Variants in PDZD2 observed in about 807,000 individuals in gnomAD.
PDZD2 encodes the protein PDZ domain containing 2, also known as PDZ domain-containing protein 2.
A neutral mutation model predicts 220.7 loss-of-function variants in PDZD2; 90 were observed. The ratio of observed to expected loss-of-function variants is 0.41; its 90% CI spans 0.34 to 0.49. The LOEUF (loss-of-function observed/expected upper bound fraction) is 0.49, where lower values mean the gene tolerates loss of function less well. Among genes scored for constraint, PDZD2 ranks in the 20% least tolerant of loss-of-function variants. The pLI is 0.28. For missense variants in PDZD2, 3,174 were observed against 3,608.5 expected (o/e 0.88, Z 3.08); for synonymous variants, 1,375 against 1,450.5 (o/e 0.95, Z 1.18).
intron 2 of PDZD2, among the ~76,000 whole-genome samples, chr5:31,821,992 G>C (rs1408307464): frequency 6.6e-6 from 1 of 152,108 alleles, no homozygotes; most frequent in Non-Finnish European, 1.5e-5. Flanking sequence ...ATGGTTTCTA[G>C]TTTCATCCAT....
At chr5:31,935,748 TTTAG>T (rs1745664806) in intron 2 of PDZD2, among the ~76,000 whole-genome samples, 1 of 152,210 alleles carries the variant, frequency 6.6e-6, no homozygotes, top group South Asian at 2.1e-4. Context: ...GCTTCACATT[TTTAG>T]TTATGTGAAG....
At chr5:31,693,935 G>A (rs190588549) in intron 1 of PDZD2, among the ~76,000 whole-genome samples, 233 of 152,292 alleles carry the variant, frequency 1.5e-3, no homozygotes, top group African/African-American at 5.5e-3. Context: ...CCCAGGCTGA[G>A]GAGGAGCAAA....
intron 1 of PDZD2, among the ~76,000 whole-genome samples, chr5:31,751,995 C>G (rs1002439637): frequency 2.7e-5 from 4 of 150,624 alleles, no homozygotes; most frequent in African/African-American, 9.8e-5. Flanking sequence ...TTTGTACATA[C>G]TCTCCTCATT....
Position 32,057,911 on chromosome 5 carries a change from C to T in PDZD2, c.2008C>T (p.Arg670Cys), listed in dbSNP as rs557543031. ...GAGTGGATTATTTGTTTTAACGGTA[C>T]GCACAAAGTTGGTGAGCCCCAGCCT... Reference protein sequence around the residue: ...IRSGLFVLTVRTKLVSPSLTP... With the variant: ...IRSGLFVLTVCTKLVSPSLTP... Residue 670 changes from arginine to cysteine, a missense_variant, in exon 12 of 25, where the codon CGC becomes TGC. Around this residue, in one of 4 missense-constraint regions of PDZD2, gnomAD observed 1,861 missense variants for 2,001.0 expected, o/e 0.93. Transcript: ENST00000438447. 32 of 1,611,038 alleles carry T rather than the reference C, an allele frequency of 2.0e-5. No homozygotes were observed. The highest frequency in any genetic ancestry group is 6.7e-5 in the East Asian group (3 of 44,610).
chr5:31,969,653 T>C (rs1749115127), intron 2 of PDZD2, among the ~76,000 whole-genome samples: 1 of 151,940 alleles, frequency 6.6e-6, no homozygotes, highest in African/African-American at 2.4e-5. Context: ...GGGATCTTAT[T>C]AGAGTGATGA....
chr5:31,997,114 CA>C lies in PDZD2; in HGVS notation c.1121+1397del, dbSNP rs138249800. On this transcript the variant is annotated intron_variant, in intron 4 of 24. Transcript: ENST00000438447. ...CGTGTACGTATGTTGTATGCCCACACATATACAGTAGGCATATAAAAGGAGA... is the reference window on the plus strand; with the variant it reads ...CGTGTACGTATGTTGTATGCCCACACTATACAGTAGGCATATAAAAGGAGA... Among the ~76,000 whole-genome samples the C allele has an allele frequency of 4.7e-3, 722 of 152,280 alleles. 6 individuals carry two copies. The highest frequency in any genetic ancestry group is 0.017 in the African/African-American group (689 of 41,566).
intron 1 of PDZD2, among the ~76,000 whole-genome samples, chr5:31,657,788 C>T (rs964479166): frequency 2.0e-5 from 3 of 151,596 alleles, no homozygotes; most frequent in African/African-American, 7.3e-5. Context: ...AGAGTGTTGA[C>T]CTCGGCGCTA....
chr5:32,081,637 G>A (rs1319657750), intron 19 of PDZD2, among the ~76,000 whole-genome samples: 13 of 152,190 alleles, frequency 8.5e-5, no homozygotes, highest in Non-Finnish European at 2.9e-5. Context: ...GTACTTGAGT[G>A]CTCGTAGCAG....
intron 21 of PDZD2, 99 bp downstream of exon 21, chr5:32,093,123 G>A: frequency 1.5e-6 from 1 of 683,538 alleles, no homozygotes; most frequent in Non-Finnish European, 2.6e-6. Flanking sequence ...CCCGCCCCGA[G>A]TCCTGGAGAG....
At chr5:32,014,915 G>C (rs550569937) in intron 6 of PDZD2, among the ~76,000 whole-genome samples, 1 of 142,366 alleles carries the variant, frequency 7.0e-6, no homozygotes, top group Admixed American at 7.3e-5. Flanking sequence ...CCACCATGTT[G>C]GCCAGGATAG....
chr5:32,002,371 C>T (rs1348146524), intron 5 of PDZD2, among the ~76,000 whole-genome samples: 1 of 152,052 alleles, frequency 6.6e-6, no homozygotes, highest in Non-Finnish European at 1.5e-5. Context: ...ATCGCGCTCC[C>T]TGCATGTCTT....
intron 2 of PDZD2, among the ~76,000 whole-genome samples, chr5:31,846,499 T>G (rs2150290539): frequency 6.6e-6 from 1 of 152,332 alleles, no homozygotes; most frequent in South Asian, 2.1e-4. Flanking sequence ...CATGGGCATC[T>G]GTTCAGACGT....
chr5:31,880,893 C>T (rs951967757), intron 2 of PDZD2, among the ~76,000 whole-genome samples: 1 of 148,534 alleles, frequency 6.7e-6, no homozygotes, highest in African/African-American at 2.5e-5. Context: ...CCTCCGCCTC[C>T]CAGGTTCAAG....
At chr5:32,072,379 A>G in intron 17 of PDZD2, 62 bp downstream of exon 17, 1 of 1,305,048 alleles carries the variant, frequency 7.7e-7, no homozygotes, top group East Asian at 2.3e-5. Context: ...ACTGGTTTCC[A>G]CCTCTGTGCT....
At chr5:31,694,571 A>T (rs1247395901) in intron 1 of PDZD2, among the ~76,000 whole-genome samples, 1 of 152,024 alleles carries the variant, frequency 6.6e-6, no homozygotes, top group Admixed American at 6.6e-5. Context: ...TGTGTAGGAG[A>T]TGCTTCACGA....
At chr5:32,079,279 A>C (rs34422423) in intron 19 of PDZD2, among the ~76,000 whole-genome samples, 3,584 of 144,544 alleles carry the variant, frequency 0.025, 63 homozygotes, top group Non-Finnish European at 0.039. Flanking sequence ...CAAAAAAAAA[A>C]CAAAAAAAAA....
chr5:31,875,643 TTAATA>T (rs1034571176), intron 2 of PDZD2, among the ~76,000 whole-genome samples: 1 of 147,924 alleles, frequency 6.8e-6, no homozygotes, highest in Non-Finnish European at 1.5e-5. Flanking sequence ...ATATACAAAT[TTAATA>T]TATTTTTAAA....
intron 2 of PDZD2, among the ~76,000 whole-genome samples, chr5:31,960,533 A>G (rs1748123175): frequency 6.6e-6 from 1 of 151,938 alleles, no homozygotes; most frequent in Non-Finnish European, 1.5e-5. Flanking sequence ...CTACTCCTCC[A>G]TTTCCAGTTG....
chr5:31,846,222 A>G (rs1757580379), intron 2 of PDZD2, among the ~76,000 whole-genome samples: 1 of 152,120 alleles, frequency 6.6e-6, no homozygotes, highest in South Asian at 2.1e-4. Context: ...CAACCTCCGC[A>G]TCCCGGGTTC....
Sources: allele counts gnomAD v4.1 joint callset (sites outside exome capture counted in the v4.1 genomes callset), GRCh38; gene constraint gnomAD v4.1.1; regional missense constraint gnomAD v4.1.1; transcripts MANE v1.5; gene names NCBI Gene and HGNC (gene_info 2026-07-23, HGNC 2026-07-21).